TLE4: variants seen among roughly 807,000 people sequenced by gnomAD.
TLE4 encodes the protein transducin-like enhancer protein 4.
A neutral mutation model predicts 92.8 loss-of-function variants in TLE4; 8 were observed. The observed-to-expected ratio is 0.09, with a 90% confidence interval of 0.05 to 0.16. TLE4 has a LOEUF of 0.16. Ranked by LOEUF, TLE4 falls within the 10% of genes least tolerant of loss-of-function variation. The pLI is 1.00. For missense variants in TLE4, 675 were observed against 997.6 expected, an observed-to-expected ratio of 0.68 and a Z score of 4.36; for synonymous variants, 371 against 374.1, an observed-to-expected ratio of 0.99 and a Z score of 0.10.
intron 5 of TLE4, among the ~76,000 whole-genome samples, chr9:79,619,134 A>T (rs1474452590): frequency 6.6e-6 from 1 of 152,200 alleles, no homozygotes; most frequent in African/African-American, 2.4e-5. Flanking sequence ...ATAATAGTCA[A>T]TTACATAATA....
rs1474989732 is a variant in TLE4 at position 79,574,936 on chromosome 9, G to A, written c.207G>A (p.Met69Ile). 1.2e-6 allele frequency: 2 copies of A among 1,612,842 alleles called. No individual in the cohort carries two copies. Among genetic ancestry groups the A allele is most frequent in the African/African-American group, 1.3e-5 (1 of 74,886 alleles). The change falls in exon 3 of 20, where the codon ATG becomes ATA. Residue 69 changes from methionine (M) to isoleucine (I), a missense_variant and splice_region_variant. Transcript: ENST00000376552. ...EKTEMQRHYV[M>I]YYEMSYGLNI... ...CAGAGATGCAGCGGCATTATGTCAT[G>A]GTAAGAAAACCATGTCACAGATTCA...
intron 14 of TLE4, among the ~76,000 whole-genome samples, chr9:79,714,982 C>T (rs1346993036): frequency 1.3e-5 from 2 of 152,114 alleles, no homozygotes. Context: ...GTTCTGAGTG[C>T]CTTCTATGTA....
At chr9:79,626,492 G>A (rs2052640841) in intron 5 of TLE4, among the ~76,000 whole-genome samples, 1 of 152,218 alleles carries the variant, frequency 6.6e-6, no homozygotes, top group Non-Finnish European at 1.5e-5. Context: ...AAAATTGACT[G>A]TAGATACTAG....
intron 8 of TLE4, among the ~76,000 whole-genome samples, chr9:79,661,822 T>C (rs562863893): frequency 6.6e-6 from 1 of 152,328 alleles, no homozygotes; most frequent in South Asian, 2.1e-4. Context: ...ATTTTACTGC[T>C]TAAAAACAGT....
chr9:79,688,193 A>G (rs1279262976), intron 8 of TLE4, among the ~76,000 whole-genome samples: 3 of 152,172 alleles, frequency 2.0e-5, no homozygotes, highest in African/African-American at 7.2e-5. Context: ...AGGACCTGCC[A>G]TCTGCAGTTC....
chr9:79,666,585 A>G (rs528054992), intron 8 of TLE4, among the ~76,000 whole-genome samples: 2 of 152,116 alleles, frequency 1.3e-5, no homozygotes, highest in Non-Finnish European at 2.9e-5. Context: ...TCATGTTCCT[A>G]TGTACTAGGC....
rs573100533 is a variant in TLE4 at position 79,679,031 on chromosome 9, T to TTTGGG, written c.609+24961_609+24965dup. On this transcript the variant is annotated intron_variant, in intron 8 of 19. Coordinates refer to ENST00000376552, the MANE Select transcript of TLE4 (RefSeq NM_007005.6). ...TAATCCAGTCTATCATTGTTGGACA[T>TTTGGG]TTGGGTTGGTTCCAAGTCTTTGCTA... is the stretch of plus-strand genomic sequence containing the variant. 2.6e-3 allele frequency among the ~76,000 whole-genome samples: 399 copies of TTTGGG among 152,170 alleles called. 1 individual carries two copies. The highest frequency in any genetic ancestry group is 4.1e-3 in the Non-Finnish European group (282 of 67,996).
At chr9:79,687,896 C>G (rs967289736) in intron 8 of TLE4, among the ~76,000 whole-genome samples, 1 of 152,118 alleles carries the variant, frequency 6.6e-6, no homozygotes, top group Non-Finnish European at 1.5e-5. Flanking sequence ...TTTTAATGAG[C>G]GTTAAAAGCA....
At position 79,717,503 on chromosome 9, in the gene TLE4, C is replaced by G. The variant is rs76979180; in HGVS notation, c.1341-1219C>G. 4.5e-4 allele frequency among the ~76,000 whole-genome samples: 68 copies of G among 152,260 alleles called. No homozygotes were observed. In the East Asian group the frequency reaches 0.013, roughly 29 times the overall value. On this transcript the variant is annotated intron_variant, in intron 14 of 19. Coordinates refer to ENST00000376552, the MANE Select transcript of TLE4 (RefSeq NM_007005.6). ...TGTAGTCTGTGGAGGAAGTAAAAGC[C>G]CGCCACTGTCTAGTGCCCTCATCTT...
chr9:79,627,298 G>C, intron 5 of TLE4, 76 bp from the exon 6 acceptor site: 1 of 1,452,184 alleles, frequency 6.9e-7, no homozygotes, highest in Non-Finnish European at 9.7e-7. Context: ...TGAAGTTAGA[G>C]GACATGTTAG....
chr9:79,585,157 T>G (rs1046513482), intron 4 of TLE4, among the ~76,000 whole-genome samples: 14 of 152,226 alleles, frequency 9.2e-5, no homozygotes, highest in African/African-American at 3.4e-4. Context: ...ATAACGTTGT[T>G]GAAAGAATAG....
intron 6 of TLE4, among the ~76,000 whole-genome samples, chr9:79,644,354 A>G (rs897969533): frequency 2.0e-5 from 3 of 152,132 alleles, no homozygotes; most frequent in Non-Finnish European, 4.4e-5. Flanking sequence ...TAAATTACCC[A>G]GTCTTGGGTA....
intron 6 of TLE4, among the ~76,000 whole-genome samples, chr9:79,652,141 A>AAT (rs1408883865): frequency 1.3e-5 from 2 of 152,026 alleles, no homozygotes; most frequent in South Asian, 4.1e-4. Context: ...CCCTTTTAAA[A>AAT]ATATATATAT....
At position 79,723,025 on chromosome 9, in the gene TLE4, G is replaced by A; in HGVS notation, c.2204G>A (p.Ser735Asn). 1.2e-6 allele frequency: 2 copies of A among 1,614,078 alleles called. No homozygotes were observed. Among genetic ancestry groups the A allele is most frequent in the Non-Finnish European group, 1.7e-6 (2 of 1,179,946 alleles). ...GCCTGGAGAACACCTTATGGGGCCA[G>A]TATATTCCAGGTAACATGGAACTTG... ...LNAWRTPYGA[S>N]IFQSKESSSV... The change falls in exon 19 of 20, where the codon AGT becomes AAT. Residue 735 changes from serine to asparagine, a missense_variant. By Grantham distance (46) the Ser-to-Asn change is conservative. Transcript: ENST00000376552.
intron 8 of TLE4, among the ~76,000 whole-genome samples, chr9:79,667,277 C>T (rs1322208984): frequency 6.6e-6 from 1 of 152,184 alleles, no homozygotes; most frequent in East Asian, 1.9e-4. Context: ...GGCATGCCCC[C>T]TTGGTCTTAC....
At chr9:79,617,834 G>GAAA (rs202053188) in intron 5 of TLE4, among the ~76,000 whole-genome samples, 30 of 139,192 alleles carry the variant, frequency 2.2e-4, no homozygotes, top group African/African-American at 7.3e-4. Flanking sequence ...TTTTTTCAAG[G>GAAA]AAAAAAAAAA....
chr9:79,620,481 G>A (rs1375547799), intron 5 of TLE4, among the ~76,000 whole-genome samples: 4 of 152,222 alleles, frequency 2.6e-5, no homozygotes, highest in African/African-American at 9.6e-5. Context: ...GGCAAGGCCA[G>A]GTAGGCAGTC....
Position 79,720,069 on chromosome 9 carries a change from C to T in TLE4, c.1614C>T (p.Ser538=). The T allele has an allele frequency of 2.5e-6, 4 of 1,613,222 alleles. No individual in the cohort carries two copies. Among genetic ancestry groups the T allele is most frequent in the Non-Finnish European group, 3.4e-6 (4 of 1,179,258 alleles). The change falls in exon 16 of 20, where the codon TCC becomes TCT. Residue 538 remains serine, a synonymous_variant. Coordinates refer to ENST00000376552, the MANE Select transcript of TLE4 (RefSeq NM_007005.6). ...AGAACAGGGATAACTACATCCGTTC[C>T]TGCAGATTGCTCCCTGATGGTCGCA... ...DCLNRDNYIR[S]CRLLPDGRTL... is the part of the protein sequence containing the mutation.
In TLE4 at chr9:79,726,394, A is replaced by T. The variant is rs1044662260; in HGVS notation, c.*1250A>T. 7 of 152,672 alleles carry T rather than the reference A, an allele frequency of 4.6e-5. No individual in the cohort carries two copies. The highest frequency in any genetic ancestry group is 1.7e-4 in the African/African-American group (7 of 41,466). 9.5% of individuals were successfully genotyped at this position (152,672 alleles called of 1,614,324 possible). ...TAAGTCTGTGGATCTGCTGATGTAC[A>T]GTGCCTTTGCTGCTATGGATCAAAA... On this transcript the variant is annotated 3_prime_UTR_variant, in exon 20 of 20. Transcript: ENST00000376552.
Sources: allele counts gnomAD v4.1 joint callset (sites outside exome capture counted in the v4.1 genomes callset), GRCh38; gene constraint gnomAD v4.1.1; transcripts MANE v1.5; gene names NCBI Gene and HGNC (gene_info 2026-07-23, HGNC 2026-07-21).